TCF12: variants seen among roughly 807,000 people sequenced by gnomAD.
TCF12 encodes the protein DNA-binding protein HTF4.
TCF12 carries 45 observed loss-of-function variants against 86.0 expected under a neutral mutation model. That is an observed-to-expected ratio of 0.52 (90% confidence interval 0.41 to 0.67). TCF12 has a LOEUF of 0.67. Among genes scored for constraint, TCF12 ranks in the 30% least tolerant of loss-of-function variants. The pLI, the probability that TCF12 is intolerant of heterozygous loss-of-function variation, is 0.00. For synonymous variants in TCF12, 330 were observed against 299.6 expected (o/e 1.10, Z -1.05); for missense variants, 881 against 859.9 (o/e 1.02, Z -0.31).
At position 57,251,216 on chromosome 15, in the gene TCF12, A is replaced by AT. The variant is rs576547895; in HGVS notation, c.1115-133dup. 158 of 658,096 alleles carry AT rather than the reference A, an allele frequency of 2.4e-4. 1 individual carries two copies. The African/African-American group carries it at 2.7e-3, about 11-fold the overall frequency. 40.8% of individuals were successfully genotyped at this position (658,096 alleles called of 1,614,324 possible). On this transcript the variant is annotated intron_variant, in intron 13 of 20. Coordinates refer to ENST00000333725, the MANE Select transcript of TCF12 (RefSeq NM_207037.2). ...AATGTGTTGGGCTTATAAGTAGCCA[A>AT]TACTATGCTGAAGGCCAAACAAAAA...
At chr15:56,951,090 A>C (rs2061253536) in intron 3 of TCF12, among the ~76,000 whole-genome samples, 1 of 152,110 alleles carries the variant, frequency 6.6e-6, no homozygotes, top group Non-Finnish European at 1.5e-5. Flanking sequence ...CTTTATGTGG[A>C]CATTCATATG....
At chr15:57,238,385 A>G (rs1566965678) in intron 12 of TCF12, among the ~76,000 whole-genome samples, 2 of 152,156 alleles carry the variant, frequency 1.3e-5, no homozygotes, top group Admixed American at 6.5e-5. Context: ...CAGAGTTTTC[A>G]GGGAAAATCG....
At chr15:57,281,493 TACGAACGA>T (rs879693536) in intron 19 of TCF12, among the ~76,000 whole-genome samples, 1 of 152,202 alleles carries the variant, frequency 6.6e-6, no homozygotes, top group East Asian at 1.9e-4. Flanking sequence ...AGTGGCCTGT[TACGAACGA>T]ACGGGCTGGC....
intron 3 of TCF12, among the ~76,000 whole-genome samples, chr15:56,971,609 T>C (rs2062331090): frequency 6.6e-6 from 1 of 152,168 alleles, no homozygotes; most frequent in Non-Finnish European, 1.5e-5. Flanking sequence ...ATTTTTGGTT[T>C]GTGCTAGACA....
chr15:57,077,652 G>A (rs28490139), intron 4 of TCF12, among the ~76,000 whole-genome samples: 25,151 of 149,252 alleles, frequency 0.17, 2,233 homozygotes, highest in Middle Eastern at 0.3. Flanking sequence ...GGCTGGTCTC[G>A]AACTCCTGAC....
chr15:57,271,556 A>G (rs901650225), intron 18 of TCF12, among the ~76,000 whole-genome samples: 8 of 152,160 alleles, frequency 5.3e-5, no homozygotes, highest in Admixed American at 4.6e-4. Context: ...ACGTGAGGCA[A>G]TGCCCCACCC....
At chr15:56,934,652 T>C (rs1445973339) in intron 3 of TCF12, among the ~76,000 whole-genome samples, 1 of 152,302 alleles carries the variant, frequency 6.6e-6, no homozygotes. Context: ...TTGGGAAATA[T>C]TGGGATTTTA....
intron 5 of TCF12, among the ~76,000 whole-genome samples, chr15:57,133,313 C>T (rs2052280167): frequency 1.3e-5 from 2 of 152,236 alleles, no homozygotes; most frequent in Non-Finnish European, 2.9e-5. Context: ...TCAGTTGCCT[C>T]ACTCGAAACA....
chr15:57,077,562 G>T (rs1276277008), intron 4 of TCF12, among the ~76,000 whole-genome samples: 1 of 150,760 alleles, frequency 6.6e-6, no homozygotes, highest in African/African-American at 2.4e-5. Context: ...GCATTTTTTG[G>T]ATTACAGGCT....
At chr15:57,057,161 C>A (rs112348672) in intron 3 of TCF12, among the ~76,000 whole-genome samples, 1 of 152,180 alleles carries the variant, frequency 6.6e-6, no homozygotes, top group Non-Finnish European at 1.5e-5. Context: ...TACAAACTGC[C>A]TTGTGCCTGC....
At chr15:56,952,839 A>G (rs1407996370) in intron 3 of TCF12, among the ~76,000 whole-genome samples, 2 of 152,132 alleles carry the variant, frequency 1.3e-5, no homozygotes, top group Non-Finnish European at 2.9e-5. Context: ...TTGCTTTCCA[A>G]TCTGGATGCC....
intron 7 of TCF12, among the ~76,000 whole-genome samples, chr15:57,197,243 A>G (rs931300065): frequency 2.9e-5 from 4 of 138,760 alleles, no homozygotes; most frequent in Admixed American, 2.5e-4. Context: ...TGCAACCTCC[A>G]TCTCCCGGGT....
intron 6 of TCF12, among the ~76,000 whole-genome samples, chr15:57,182,032 T>C (rs2151648154): frequency 6.6e-6 from 1 of 152,314 alleles, no homozygotes; most frequent in Non-Finnish European, 1.5e-5. Flanking sequence ...ACTATGTAAT[T>C]TCAGAATACT....
chr15:56,942,106 C>A (rs918535115), intron 3 of TCF12, among the ~76,000 whole-genome samples: 1 of 152,094 alleles, frequency 6.6e-6, no homozygotes, highest in Non-Finnish European at 1.5e-5. Flanking sequence ...GCCGCCTTAC[C>A]AGTCTTAAGG....
intron 3 of TCF12, among the ~76,000 whole-genome samples, chr15:56,951,367 T>A (rs2061267445): frequency 6.6e-6 from 1 of 152,232 alleles, no homozygotes; most frequent in Non-Finnish European, 1.5e-5. Flanking sequence ...TATCTTCATA[T>A]CTGTTGTCAA....
chr15:57,250,739 GAA>G (rs1362997327), intron 13 of TCF12, among the ~76,000 whole-genome samples: 2 of 150,200 alleles, frequency 1.3e-5, no homozygotes, highest in African/African-American at 4.9e-5. Flanking sequence ...AAAAAAAAAA[GAA>G]AAAAAATTAG....
chr15:57,222,263 A>G (rs921786655), intron 8 of TCF12, among the ~76,000 whole-genome samples: 2 of 147,880 alleles, frequency 1.4e-5, no homozygotes, highest in Admixed American at 1.3e-4. Context: ...GATTGCATAT[A>G]TTTAAGGGTA....
intron 5 of TCF12, among the ~76,000 whole-genome samples, chr15:57,128,098 C>T (rs867940377): frequency 1.3e-5 from 2 of 152,150 alleles, no homozygotes; most frequent in East Asian, 3.8e-4. Flanking sequence ...TTGTACATAA[C>T]TCATTTGGCT....
chr15:57,233,282 C>T (rs1218491802), intron 11 of TCF12, among the ~76,000 whole-genome samples: 1 of 151,834 alleles, frequency 6.6e-6, no homozygotes, highest in Non-Finnish European at 1.5e-5. Flanking sequence ...AGGAGGTGAT[C>T]CTCCTGCCTC....
Sources: gnomAD v4.1 joint callset for allele counts (sites outside exome capture counted in the v4.1 genomes callset) on GRCh38, gnomAD v4.1.1 for gene constraint, MANE v1.5 for transcripts, NCBI Gene and HGNC (gene_info 2026-07-23, HGNC 2026-07-21) for gene names.